CCSER1: variants seen among roughly 807,000 people sequenced by gnomAD.
CCSER1 encodes the protein serine-rich coiled-coil domain-containing protein 1.
CCSER1 carries 41 observed loss-of-function variants against 82.0 expected under a neutral mutation model. The ratio of observed to expected loss-of-function variants is 0.50; its 90% CI spans 0.39 to 0.65. The LOEUF (loss-of-function observed/expected upper bound fraction) is 0.65, where lower values mean the gene tolerates loss of function less well. Ranked by LOEUF, CCSER1 falls within the 30% of genes least tolerant of loss-of-function variation. The pLI, the probability that CCSER1 is intolerant of heterozygous loss-of-function variation, is 0.00. For missense variants in CCSER1, 1,119 were observed against 1,064.2 expected (o/e 1.05, Z -0.72); for synonymous variants, 414 against 383.9 (o/e 1.08, Z -0.92).
intron 3 of CCSER1, among the ~76,000 whole-genome samples, chr4:90,332,703 AT>A (rs1245740603): frequency 1.3e-5 from 2 of 152,120 alleles, no homozygotes; most frequent in African/African-American, 4.8e-5. Flanking sequence ...TATCTATATT[AT>A]TTTTGTGAAT....
chr4:91,015,717 G>GA (rs926879652), intron 9 of CCSER1, among the ~76,000 whole-genome samples: 1 of 151,566 alleles, frequency 6.6e-6, no homozygotes, highest in Non-Finnish European at 1.5e-5. Flanking sequence ...CTTTTACTCA[G>GA]AAAAAAATAT....
At chr4:90,470,868 C>A (rs1764304626) in intron 5 of CCSER1, among the ~76,000 whole-genome samples, 1 of 151,038 alleles carries the variant, frequency 6.6e-6, no homozygotes, top group African/African-American at 2.4e-5. Flanking sequence ...TCACTATATC[C>A]AAAAGTATTT....
intron 5 of CCSER1, among the ~76,000 whole-genome samples, chr4:90,560,691 C>T (rs1441976133): frequency 1.3e-5 from 2 of 152,060 alleles, no homozygotes; most frequent in Non-Finnish European, 2.9e-5. Context: ...AAGTGCCTTT[C>T]TCATATAATG....
intron 4 of CCSER1, among the ~76,000 whole-genome samples, chr4:90,442,171 G>A (rs567463533): frequency 1.3e-5 from 2 of 152,018 alleles, no homozygotes; most frequent in African/African-American, 4.8e-5. Context: ...AACGAGGGGG[G>A]TCATCATTCT....
At chr4:90,387,321 T>C (rs999030935) in intron 3 of CCSER1, among the ~76,000 whole-genome samples, 1 of 152,186 alleles carries the variant, frequency 6.6e-6, no homozygotes, top group Non-Finnish European at 1.5e-5. Flanking sequence ...TTTTTAACTT[T>C]AGGCTTAAAT....
intron 9 of CCSER1, among the ~76,000 whole-genome samples, chr4:91,072,326 A>G (rs754529408): frequency 6.6e-5 from 10 of 152,196 alleles, no homozygotes; most frequent in African/African-American, 2.2e-4. Flanking sequence ...AAATATTTCA[A>G]TTGAATTTCA....
chr4:91,421,798 T>TA (rs1320174835), intron 10 of CCSER1, among the ~76,000 whole-genome samples: 1 of 149,090 alleles, frequency 6.7e-6, no homozygotes, highest in African/African-American at 2.5e-5. Flanking sequence ...AATTAAAAAT[T>TA]AAAAAAAGTT....
At chr4:91,207,448 T>G (rs889073743) in intron 10 of CCSER1, among the ~76,000 whole-genome samples, 1 of 151,934 alleles carries the variant, frequency 6.6e-6, no homozygotes, top group African/African-American at 2.4e-5. Flanking sequence ...TTTTCGTTAT[T>G]TAGCTCCCAC....
At chr4:90,192,172 T>A (rs1735751621) in intron 1 of CCSER1, among the ~76,000 whole-genome samples, 1 of 151,996 alleles carries the variant, frequency 6.6e-6, no homozygotes, top group Admixed American at 6.6e-5. Flanking sequence ...GAGGAGCAAG[T>A]CACATGTTAC....
At chr4:90,537,807 G>A (rs751974522) in intron 5 of CCSER1, among the ~76,000 whole-genome samples, 10 of 152,112 alleles carry the variant, frequency 6.6e-5, no homozygotes, top group Non-Finnish European at 1.0e-4. Flanking sequence ...TGTTATGGTA[G>A]TGGGGAAAGG....
chr4:91,030,680 T>C (rs1306439840), intron 9 of CCSER1, among the ~76,000 whole-genome samples: 1 of 152,026 alleles, frequency 6.6e-6, no homozygotes, highest in African/African-American at 2.4e-5. Flanking sequence ...TTGGGCCATA[T>C]TGGGTCCATT....
chr4:90,181,321 T>A (rs990870771), intron 1 of CCSER1, among the ~76,000 whole-genome samples: 1 of 152,318 alleles, frequency 6.6e-6, no homozygotes. Context: ...AGTTTTGTTG[T>A]CAAGGGAAAA....
intron 1 of CCSER1, among the ~76,000 whole-genome samples, chr4:90,240,637 A>G (rs913402186): frequency 1.3e-5 from 2 of 152,236 alleles, no homozygotes; most frequent in African/African-American, 4.8e-5. Flanking sequence ...GGAAAAGTGC[A>G]TTTGGAGCTG....
intron 5 of CCSER1, among the ~76,000 whole-genome samples, chr4:90,519,467 A>C (rs1377898234): frequency 2.0e-5 from 3 of 151,936 alleles, no homozygotes; most frequent in East Asian, 1.9e-4. Flanking sequence ...GCTGCATCCC[A>C]AAAACAAGTG....
intron 1 of CCSER1, among the ~76,000 whole-genome samples, chr4:90,158,034 A>G (rs1436421348): frequency 6.6e-6 from 1 of 151,912 alleles, no homozygotes; most frequent in Non-Finnish European, 1.5e-5. Flanking sequence ...GATGATGGTG[A>G]TGTACAGATG....
intron 9 of CCSER1, among the ~76,000 whole-genome samples, chr4:91,038,647 A>T (rs28615646): frequency 0.041 from 6,202 of 152,256 alleles, 164 homozygotes; most frequent in Middle Eastern, 0.061. Flanking sequence ...TTAATCTTGG[A>T]TTAGCACTTG....
chr4:90,200,039 C>A (rs551609779), intron 1 of CCSER1, among the ~76,000 whole-genome samples: 1 of 149,380 alleles, frequency 6.7e-6, no homozygotes, highest in African/African-American at 2.5e-5. Context: ...GCACCCTCCA[C>A]TCCCTGACAT....
chr4:91,359,402 C>T (rs1830353), intron 10 of CCSER1, among the ~76,000 whole-genome samples: 48,776 of 151,300 alleles, frequency 0.32, 9,017 homozygotes, highest in African/African-American at 0.44. Flanking sequence ...TATAAAGCAA[C>T]GTAAAACAAT....
intron 5 of CCSER1, among the ~76,000 whole-genome samples, chr4:90,576,588 T>G (rs1780803436): frequency 6.6e-6 from 1 of 152,168 alleles, no homozygotes; most frequent in African/African-American, 2.4e-5. Context: ...TTTCGCTTTT[T>G]CCAGAATATC....
Sources: gnomAD v4.1 joint callset for allele counts (sites outside exome capture counted in the v4.1 genomes callset) on GRCh38, gnomAD v4.1.1 for gene constraint, MANE v1.5 for transcripts, NCBI Gene and HGNC (gene_info 2026-07-23, HGNC 2026-07-21) for gene names.